Variants in ROBO2 observed in about 807,000 individuals in gnomAD.
ROBO2 encodes the protein roundabout homolog 2.
In ROBO2, 53 loss-of-function variants were observed where a neutral mutation model predicts 160.8. The observed-to-expected ratio is 0.33, with a 90% CI of 0.26 to 0.41. The LOEUF is 0.41. Among genes scored for constraint, ROBO2 ranks in the 10% least tolerant of loss-of-function variants. ROBO2 has a pLI of 1.00. For missense variants in ROBO2, 1,577 were observed against 1,722.4 expected (o/e 0.92, Z 1.49); for synonymous variants, 664 against 611.7 (o/e 1.09, Z -1.26).
At chr3:75,956,994 T>C (rs1422865650) in intron 2 of ROBO2, among the ~76,000 whole-genome samples, 8 of 151,772 alleles carry the variant, frequency 5.3e-5, no homozygotes, top group African/African-American at 1.9e-4. Context: ...ACAGTTGAAG[T>C]TATTAGATAC....
intron 2 of ROBO2, among the ~76,000 whole-genome samples, chr3:76,208,621 C>T (rs1407158423): frequency 1.3e-5 from 2 of 152,092 alleles, no homozygotes; most frequent in South Asian, 2.1e-4. Context: ...AAATAATCTG[C>T]CACGTTGACT....
intron 2 of ROBO2, among the ~76,000 whole-genome samples, chr3:76,667,143 G>A (rs2092081748): frequency 6.6e-6 from 1 of 152,080 alleles, no homozygotes; most frequent in African/African-American, 2.4e-5. Flanking sequence ...AAACGTCCCA[G>A]GGGAGAAGTT....
chr3:76,411,589 G>A (rs1248153230), intron 2 of ROBO2, among the ~76,000 whole-genome samples: 1 of 151,842 alleles, frequency 6.6e-6, no homozygotes, highest in Non-Finnish European at 1.5e-5. Flanking sequence ...CTTGCTATAG[G>A]GAAGACATTT....
chr3:76,988,194 G>T lies in ROBO2; in HGVS notation c.110-109820G>T, dbSNP rs373218467. Among the ~76,000 whole-genome samples the T allele has an allele frequency of 4.4e-4, 67 of 152,120 alleles. 1 individual carries two copies. In the East Asian group the frequency reaches 0.012, roughly 27 times the overall value. On this transcript the variant is annotated intron_variant, in intron 2 of 26. Transcript: ENST00000487694. ...GTACTCATTTTTATTAACCCTAAAG[G>T]TAAGGCTTTTTTGCAGTTCCACCAA...
intron 4 of ROBO2, among the ~76,000 whole-genome samples, chr3:77,491,317 TTGA>T (rs1397012042): frequency 2.6e-5 from 4 of 152,212 alleles, no homozygotes; most frequent in African/African-American, 7.2e-5. Flanking sequence ...AGGTCTCCTC[TTGA>T]TGAATCATTT....
At chr3:76,166,353 G>A (rs1018006033) in intron 2 of ROBO2, among the ~76,000 whole-genome samples, 1 of 152,084 alleles carries the variant, frequency 6.6e-6, no homozygotes, top group Non-Finnish European at 1.5e-5. Flanking sequence ...TTCTTGAATC[G>A]TAGGCTTTAA....
At chr3:76,078,651 C>T (rs2068720518) in intron 2 of ROBO2, among the ~76,000 whole-genome samples, 1 of 152,080 alleles carries the variant, frequency 6.6e-6, no homozygotes, top group Non-Finnish European at 1.5e-5. Context: ...AGGTGTGAGC[C>T]ACCATGCACG....
chr3:76,070,267 C>A (rs561765638), intron 2 of ROBO2, among the ~76,000 whole-genome samples: 19 of 152,164 alleles, frequency 1.2e-4, no homozygotes, highest in Non-Finnish European at 2.6e-4. Flanking sequence ...TCACTGAATT[C>A]TTTTTCTCAG....
intron 2 of ROBO2, among the ~76,000 whole-genome samples, chr3:77,314,942 A>C (rs770616503): frequency 9.9e-5 from 15 of 152,186 alleles, no homozygotes; most frequent in Non-Finnish European, 1.6e-4. Flanking sequence ...ACAATTTTCA[A>C]ATGAATCTAC....
At chr3:75,931,921 A>G (rs1264562456) in intron 1 of ROBO2, among the ~76,000 whole-genome samples, 2 of 152,096 alleles carry the variant, frequency 1.3e-5, no homozygotes, top group African/African-American at 4.8e-5. Context: ...ATAACATCTG[A>G]TACATATTTG....
chr3:77,338,363 A>G (rs2066708956), intron 2 of ROBO2, among the ~76,000 whole-genome samples: 1 of 152,194 alleles, frequency 6.6e-6, no homozygotes, highest in African/African-American at 2.4e-5. Flanking sequence ...TTGCTCTGAG[A>G]TTGTTCAGGA....
At chr3:77,331,797 C>A in intron 2 of ROBO2, among the ~76,000 whole-genome samples, 1 of 152,114 alleles carries the variant, frequency 6.6e-6, no homozygotes, top group East Asian at 1.9e-4. Context: ...CCTCCATCAT[C>A]CAGGTTCAAG....
chr3:76,692,895 C>A (rs74876716), intron 2 of ROBO2, among the ~76,000 whole-genome samples: 7,717 of 151,150 alleles, frequency 0.051, 302 homozygotes, highest in African/African-American at 0.099. Context: ...CTCTCTCTCT[C>A]TCTCTATATA....
At chr3:76,075,759 A>G (rs2068627508) in intron 2 of ROBO2, among the ~76,000 whole-genome samples, 11 of 152,164 alleles carry the variant, frequency 7.2e-5, no homozygotes, top group Admixed American at 7.2e-4. Flanking sequence ...AGCAACATCT[A>G]TAAAGGCCAC....
intron 2 of ROBO2, among the ~76,000 whole-genome samples, chr3:77,291,856 T>C (rs573822377): frequency 7.1e-4 from 107 of 151,068 alleles, no homozygotes; most frequent in African/African-American, 2.6e-3. Context: ...TGAGGCTAGA[T>C]CACCCCAGAC....
intron 2 of ROBO2, among the ~76,000 whole-genome samples, chr3:76,316,086 G>A (rs2071997595): frequency 6.6e-6 from 1 of 152,070 alleles, no homozygotes; most frequent in African/African-American, 2.4e-5. Context: ...AACAGGACCA[G>A]GACAAAATCA....
At chr3:77,175,060 A>G (rs4683992) in intron 2 of ROBO2, among the ~76,000 whole-genome samples, 2 of 151,800 alleles carry the variant, frequency 1.3e-5, no homozygotes, top group South Asian at 4.1e-4. Context: ...TCAATTTATA[A>G]CTCATATTTT....
rs186530460 is a variant in ROBO2 at position 76,002,830 on chromosome 3, C to A, written c.109+65228C>A. On this transcript the variant is annotated intron_variant, in intron 2 of 26. Coordinates refer to the ROBO2 transcript ENST00000487694. ...TTTTCCTTGTGGCTCTCAGAAGGAG[C>A]CACCTTTTCAACATCATGATTTTAG... is the stretch of plus-strand genomic sequence containing the variant. Among the ~76,000 whole-genome samples the A allele has an allele frequency of 7.2e-5, 11 of 152,198 alleles. 1 individual carries two copies. In the East Asian group the frequency reaches 1.7e-3, roughly 24 times the overall value.
chr3:77,585,038 A>G (rs892625630), intron 16 of ROBO2, among the ~76,000 whole-genome samples: 1 of 150,774 alleles, frequency 6.6e-6, no homozygotes. Flanking sequence ...CTATATCTGT[A>G]TATCTTTATG....
Sources: gnomAD v4.1 joint callset for allele counts (sites outside exome capture counted in the v4.1 genomes callset) on GRCh38, gnomAD v4.1.1 for gene constraint, MANE v1.5 for transcripts, NCBI Gene and HGNC (gene_info 2026-07-23, HGNC 2026-07-21) for gene names.